GAB2: variants seen among roughly 807,000 people sequenced by gnomAD.
GAB2 encodes the protein GRB2 associated binding protein 2.
GAB2 carries 26 observed loss-of-function variants against 65.5 expected under a neutral mutation model. The observed-to-expected ratio is 0.40, with a 90% CI of 0.29 to 0.55. GAB2 has a LOEUF of 0.55. Ranked by LOEUF, GAB2 falls within the 20% of genes least tolerant of loss-of-function variation. GAB2 has a pLI of 0.53. For missense variants in GAB2, 884 were observed against 875.8 expected, an observed-to-expected ratio of 1.01 and a Z score of -0.12; for synonymous variants, 321 against 329.6, an observed-to-expected ratio of 0.97 and a Z score of 0.28.
chr11:78,405,079 G>GA (rs1489801936), intron 1 of GAB2, among the ~76,000 whole-genome samples: 3 of 148,856 alleles, frequency 2.0e-5, no homozygotes, highest in East Asian at 1.9e-4. Flanking sequence ...AGAATGTGGG[G>GA]AAAAAACATG....
intron 1 of GAB2, among the ~76,000 whole-genome samples, chr11:78,286,635 T>C (rs375134800): frequency 7.4e-6 from 1 of 134,678 alleles, no homozygotes; most frequent in African/African-American, 2.8e-5. Context: ...ATAAAACTTA[T>C]ACGTAAGCTT....
intron 1 of GAB2, among the ~76,000 whole-genome samples, chr11:78,371,364 T>C (rs760388302): frequency 3.9e-5 from 6 of 152,200 alleles, no homozygotes; most frequent in Non-Finnish European, 7.3e-5. Flanking sequence ...GCCAAGTAGG[T>C]TGCTGATCTG....
Position 78,223,579 on chromosome 11 carries a change from C to T in GAB2, c.1400G>A (p.Arg467Gln), listed in dbSNP as rs138155762. ...PGSSTLLAME[R>Q]AGDNSQSVYI... ...GACGCTCTGGGAATTATCACCTGCTCGTTCCATGGCCAACAGGGTGGAAGA... is the reference window on the plus strand; with the variant it reads ...GACGCTCTGGGAATTATCACCTGCTTGTTCCATGGCCAACAGGGTGGAAGA... The change falls in exon 6 of 10, where the codon CGA becomes CAA. Residue 467 changes from arginine (R) to glutamine (Q), a missense_variant. Physicochemically the swap from Arg to Gln is conservative, Grantham distance 43. Transcript: ENST00000361507. 1.9e-5 allele frequency: 31 copies of T among 1,613,552 alleles called. No individual in the cohort carries two copies. The highest frequency in any genetic ancestry group is 5.3e-5 in the African/African-American group (4 of 74,888).
At chr11:78,304,036 T>C (rs1855296210) in intron 1 of GAB2, among the ~76,000 whole-genome samples, 1 of 151,948 alleles carries the variant, frequency 6.6e-6, no homozygotes, top group Non-Finnish European at 1.5e-5. Flanking sequence ...ATTTAAATTA[T>C]ATATTTAAAA....
At chr11:78,306,360 A>C (rs1237708661) in intron 1 of GAB2, among the ~76,000 whole-genome samples, 1 of 152,074 alleles carries the variant, frequency 6.6e-6, no homozygotes, top group East Asian at 1.9e-4. Flanking sequence ...CCTCCCAAGT[A>C]GCTGGGACTA....
chr11:78,283,629 T>A (rs541722359), intron 1 of GAB2, among the ~76,000 whole-genome samples: 7 of 152,196 alleles, frequency 4.6e-5, no homozygotes, highest in Non-Finnish European at 7.4e-5. Flanking sequence ...AAATAGCTCA[T>A]CAAAGGTGTC....
In GAB2 at chr11:78,219,254, T is replaced by C; in HGVS notation, c.*18A>G. 6.2e-7 allele frequency: 1 copy of C among 1,611,494 alleles called. No individual in the cohort carries two copies. The highest frequency in any genetic ancestry group is 8.5e-7 in the Non-Finnish European group (1 of 1,179,356). On this transcript the variant is annotated 3_prime_UTR_variant, in exon 10 of 10. Transcript: ENST00000361507. Reference sequence around the variant, plus strand: ...GCTCTGGAGATGCTGCCTCCTGGGCTCTGCGGTGGCCCTCTCATCACAGCT... The same window carrying C: ...GCTCTGGAGATGCTGCCTCCTGGGCCCTGCGGTGGCCCTCTCATCACAGCT...
chr11:78,333,532 C>T (rs145145994), intron 1 of GAB2, among the ~76,000 whole-genome samples: 5 of 152,248 alleles, frequency 3.3e-5, no homozygotes, highest in Non-Finnish European at 4.4e-5. Context: ...CCTCCCAAAG[C>T]GCTGGGATTA....
chr11:78,381,816 A>C lies in GAB2; in HGVS notation c.75+35830T>G, dbSNP rs77917980. On this transcript the variant is annotated intron_variant, in intron 1 of 9. Transcript: ENST00000361507. ...GAAATATAGTATGGATTGTTTCTCA[A>C]ATTATTTAATCAGAGAACCAGAGGT... Among the ~76,000 whole-genome samples the C allele has an allele frequency of 2.0e-5, 3 of 152,224 alleles. No homozygotes were observed. In the East Asian group the frequency reaches 5.8e-4, roughly 29 times the overall value.
At chr11:78,238,210 A>G (rs1865036357) in intron 3 of GAB2, among the ~76,000 whole-genome samples, 1 of 147,202 alleles carries the variant, frequency 6.8e-6, no homozygotes, top group Middle Eastern at 3.2e-3. Context: ...AAGAAACAAA[A>G]AAAAAAAAAA....
intron 9 of GAB2, among the ~76,000 whole-genome samples, chr11:78,220,033 T>C (rs1158960985): frequency 6.6e-6 from 1 of 152,058 alleles, no homozygotes; most frequent in Admixed American, 6.5e-5. Context: ...TTTGTAACCT[T>C]AGGACAATCA....
At chr11:78,386,638 G>C (rs941374772) in intron 1 of GAB2, among the ~76,000 whole-genome samples, 5 of 152,166 alleles carry the variant, frequency 3.3e-5, no homozygotes, top group Non-Finnish European at 7.3e-5. Flanking sequence ...AGAAGGCCTG[G>C]AGGTTTTCCA....
At chr11:78,276,994 T>A (rs959236124) in intron 2 of GAB2, among the ~76,000 whole-genome samples, 1 of 152,062 alleles carries the variant, frequency 6.6e-6, no homozygotes, top group African/African-American at 2.4e-5. Flanking sequence ...TTTTTCTGTA[T>A]TTTTAGTAGA....
At chr11:78,261,415 T>G (rs2512538) in intron 2 of GAB2, among the ~76,000 whole-genome samples, 24,538 of 152,164 alleles carry the variant, frequency 0.16, 2,448 homozygotes, top group East Asian at 0.4. Context: ...GAGATCCAAA[T>G]GTAAACAGTT....
chr11:78,262,638 C>A (rs1865764539), intron 2 of GAB2, among the ~76,000 whole-genome samples: 2 of 152,162 alleles, frequency 1.3e-5, no homozygotes, highest in African/African-American at 4.8e-5. Context: ...TCCCGGGGGT[C>A]CCAATAATCT....
At chr11:78,264,668 A>C (rs1380614733) in intron 2 of GAB2, among the ~76,000 whole-genome samples, 1 of 152,060 alleles carries the variant, frequency 6.6e-6, no homozygotes. Context: ...TTGGCCTCCC[A>C]AAGTGTTGGG....
chr11:78,382,474 T>C (rs1856710986), intron 1 of GAB2, among the ~76,000 whole-genome samples: 1 of 151,888 alleles, frequency 6.6e-6, no homozygotes, highest in Non-Finnish European at 1.5e-5. Context: ...TGGAGCAATA[T>C]TCTAAAACAA....
intron 1 of GAB2, among the ~76,000 whole-genome samples, chr11:78,336,352 A>AC (rs1856001230): frequency 6.7e-6 from 1 of 149,310 alleles, no homozygotes; most frequent in African/African-American, 2.5e-5. Flanking sequence ...AAAAAAAAAA[A>AC]AAAAAAAAAA....
chr11:78,224,789 C>T (rs568468162), intron 5 of GAB2, among the ~76,000 whole-genome samples: 2 of 152,188 alleles, frequency 1.3e-5, no homozygotes, highest in East Asian at 1.9e-4. Context: ...TGTGAGGCCA[C>T]GTGGGTAAGG....
Sources: allele counts gnomAD v4.1 joint callset (sites outside exome capture counted in the v4.1 genomes callset), GRCh38; gene constraint gnomAD v4.1.1; transcripts MANE v1.5; gene names NCBI Gene and HGNC (gene_info 2026-07-23, HGNC 2026-07-21).